PRKG1: variants seen among roughly 807,000 people sequenced by gnomAD.
The protein encoded by PRKG1 is protein kinase cGMP-dependent 1.
PRKG1 carries 35 observed loss-of-function variants against 88.1 expected under a neutral mutation model. That is an observed-to-expected ratio of 0.40 (90% CI 0.30 to 0.53). The LOEUF (loss-of-function observed/expected upper bound fraction) is 0.53, where lower values mean the gene tolerates loss of function less well. Among genes scored for constraint, PRKG1 ranks in the 20% least tolerant of loss-of-function variants. The pLI, the probability that PRKG1 is intolerant of heterozygous loss-of-function variation, is 0.59. For synonymous variants in PRKG1, 303 were observed against 292.5 expected, an observed-to-expected ratio of 1.04 and a Z score of -0.37; for missense variants, 540 against 839.8, an observed-to-expected ratio of 0.64 and a Z score of 4.41.
intron 4 of PRKG1, among the ~76,000 whole-genome samples, chr10:51,890,651 G>A (rs931571072): frequency 3.3e-5 from 5 of 152,284 alleles, no homozygotes; most frequent in African/African-American, 1.2e-4. Flanking sequence ...TATTAGAGAA[G>A]AAATATTCAT....
chr10:50,993,942 G>T (rs1017462793), intron 1 of PRKG1, among the ~76,000 whole-genome samples: 35 of 152,164 alleles, frequency 2.3e-4, no homozygotes, highest in African/African-American at 8.4e-4. Context: ...TCATGTTAGG[G>T]GTAGGAACAT....
Position 51,549,120 on chromosome 10 carries a change from C to CTTTTTTTTTTTTTTTTTTTTTTTTTTT in PRKG1, c.592+81305_592+81306insTTTTTTTTTTTTTTTTTTTTTTTTTTT. Among the ~76,000 whole-genome samples, 100 of 70,330 alleles carry CTTTTTTTTTTTTTTTTTTTTTTTTTTT rather than the reference C, an allele frequency of 1.4e-3. 14 individuals are homozygous for CTTTTTTTTTTTTTTTTTTTTTTTTTTT. Among genetic ancestry groups the CTTTTTTTTTTTTTTTTTTTTTTTTTTT allele is most frequent in the East Asian group, 0.011 (10 of 898 alleles). 46.1% of individuals were successfully genotyped at this position (70,330 alleles called of 152,430 possible). On this transcript the variant is annotated intron_variant, in intron 3 of 17. Transcript: ENST00000373980. ...TTCTTTCCTTTCTTTCTTTTCTTTTCTTTTTTTTTTTTTTTTTTTTTGAGA... is the reference window on the plus strand; with the variant it reads ...TTCTTTCCTTTCTTTCTTTTCTTTTCTTTTTTTTTTTTTTTTTTTTTTTTTTTTTTTTTTTTTTTTTTTTTTTTGAGA...
At chr10:51,341,625 A>G (rs1842006033) in intron 2 of PRKG1, among the ~76,000 whole-genome samples, 1 of 152,192 alleles carries the variant, frequency 6.6e-6, no homozygotes, top group African/African-American at 2.4e-5. Flanking sequence ...TTAATGTGGT[A>G]CATTTCTTCT....
intron 3 of PRKG1, among the ~76,000 whole-genome samples, chr10:51,547,768 C>A (rs752606639): frequency 2.6e-5 from 4 of 152,058 alleles, no homozygotes; most frequent in Non-Finnish European, 5.9e-5. Flanking sequence ...CTGGTCAATG[C>A]ATATTGTATT....
chr10:52,189,766 G>T (rs996582235), intron 9 of PRKG1, among the ~76,000 whole-genome samples: 2 of 152,088 alleles, frequency 1.3e-5, no homozygotes, highest in Non-Finnish European at 2.9e-5. Flanking sequence ...AGTTGATTTT[G>T]AACCTACTAC....
chr10:51,289,229 T>C (rs1215068980), intron 2 of PRKG1, among the ~76,000 whole-genome samples: 11 of 152,194 alleles, frequency 7.2e-5, no homozygotes, highest in Non-Finnish European at 1.6e-4. Context: ...TTCATCAACA[T>C]TAATGGGCAT....
chr10:51,841,316 G>A (rs1840269566), intron 4 of PRKG1, among the ~76,000 whole-genome samples: 1 of 152,092 alleles, frequency 6.6e-6, no homozygotes, highest in South Asian at 2.1e-4. Flanking sequence ...AAGAAGACAT[G>A]GTCTATTTTT....
chr10:51,224,464 T>C (rs974493265), intron 2 of PRKG1, among the ~76,000 whole-genome samples: 1 of 152,236 alleles, frequency 6.6e-6, no homozygotes. Flanking sequence ...ATAGTGAATA[T>C]TTTCAGACAT....
chr10:51,511,863 T>TTATATATATATATATATAATATAATATA (rs1841423086), intron 3 of PRKG1, among the ~76,000 whole-genome samples: 3 of 152,318 alleles, frequency 2.0e-5, no homozygotes, highest in African/African-American at 7.2e-5. Flanking sequence ...ATAATAGTCA[T>TTATATATATATATATATAATATAATATA]AAAGTAGAAA....
chr10:51,764,344 T>G (rs16922758), intron 3 of PRKG1, among the ~76,000 whole-genome samples: 8,825 of 152,068 alleles, frequency 0.058, 838 homozygotes, highest in African/African-American at 0.2. Flanking sequence ...CAAAGTGAGA[T>G]CCTCATGCCC....
intron 2 of PRKG1, among the ~76,000 whole-genome samples, chr10:51,263,315 C>T (rs952344641): frequency 3.9e-5 from 6 of 152,182 alleles, no homozygotes; most frequent in African/African-American, 9.7e-5. Flanking sequence ...TTGATATCAA[C>T]GATATCCCAG....
At chr10:51,931,941 T>A (rs564589250) in intron 5 of PRKG1, among the ~76,000 whole-genome samples, 6 of 152,260 alleles carry the variant, frequency 3.9e-5, no homozygotes, top group African/African-American at 1.4e-4. Flanking sequence ...AGGAGAGAAA[T>A]GTTACCACTA....
chr10:51,286,917 C>T (rs1176291986), intron 2 of PRKG1, among the ~76,000 whole-genome samples: 1 of 152,168 alleles, frequency 6.6e-6, no homozygotes, highest in Non-Finnish European at 1.5e-5. Flanking sequence ...CACTCTGTCG[C>T]CCAGGCTGGA....
At chr10:52,203,940 C>G (rs1214471779) in intron 9 of PRKG1, among the ~76,000 whole-genome samples, 1 of 152,122 alleles carries the variant, frequency 6.6e-6, no homozygotes, top group African/African-American at 2.4e-5. Flanking sequence ...CACTTGAAGA[C>G]AGCATACAGT....
intron 2 of PRKG1, among the ~76,000 whole-genome samples, chr10:51,440,870 C>A (rs1839085366): frequency 6.6e-6 from 1 of 151,924 alleles, no homozygotes; most frequent in South Asian, 2.1e-4. Flanking sequence ...GCAAAAATTT[C>A]ATGTAAACAA....
At chr10:51,599,625 G>C (rs1245937802) in intron 3 of PRKG1, among the ~76,000 whole-genome samples, 1 of 151,992 alleles carries the variant, frequency 6.6e-6, no homozygotes. Flanking sequence ...AAAATGTTTT[G>C]TTCTAATGGA....
chr10:51,965,837 T>A (rs921224113), intron 5 of PRKG1, among the ~76,000 whole-genome samples: 2 of 152,194 alleles, frequency 1.3e-5, no homozygotes, highest in Admixed American at 1.3e-4. Flanking sequence ...AATGGTGTGA[T>A]CTAGAGAGAA....
intron 3 of PRKG1, among the ~76,000 whole-genome samples, chr10:51,627,971 T>TTTCTTTCTTC (rs59134788): frequency 5.1e-4 from 1 of 1,978 alleles, no homozygotes; most frequent in Non-Finnish European, 2.3e-3. Flanking sequence ...TCTTTCTTTC[T>TTTCTTTCTTC]CTTTCTTTCT....
intron 1 of PRKG1, among the ~76,000 whole-genome samples, chr10:51,064,983 C>A (rs1268603771): frequency 1.3e-5 from 2 of 152,036 alleles, no homozygotes; most frequent in Non-Finnish European, 2.9e-5. Flanking sequence ...AAATTTGCTT[C>A]TTGAACTTTG....
Sources: allele counts gnomAD v4.1 joint callset (sites outside exome capture counted in the v4.1 genomes callset), GRCh38; gene constraint gnomAD v4.1.1; transcripts MANE v1.5; gene names NCBI Gene and HGNC (gene_info 2026-07-23, HGNC 2026-07-21).